ZNF718: variants seen among roughly 807,000 people sequenced by gnomAD.
The protein encoded by ZNF718 is zinc finger protein 718.
Under a neutral mutation model 2.6 loss-of-function variants are expected in ZNF718, and 3 were observed. That is an observed-to-expected ratio of 1.16 (90% CI 0.53 to 3.01). ZNF718 has a LOEUF of 3.01. Among genes scored for constraint, ZNF718 ranks in the 30% most tolerant of loss-of-function variants. ZNF718 has a pLI of 0.03. For missense variants in ZNF718, 468 were observed against 230.0 expected (o/e 2.03, Z -6.69); for synonymous variants, 135 against 77.9 (o/e 1.73, Z -3.86).
intron 3 of ZNF718, among the ~76,000 whole-genome samples, chr4:150,671 C>A (rs10028464): frequency 0.013 from 1,951 of 151,972 alleles, 48 homozygotes; most frequent in African/African-American, 0.045. Flanking sequence ...TGGATTGATT[C>A]CATATATTGG....
intron 3 of ZNF718, among the ~76,000 whole-genome samples, chr4:172,799 T>G (rs1234195442): frequency 5.3e-5 from 8 of 152,152 alleles, no homozygotes; most frequent in African/African-American, 1.7e-4. Flanking sequence ...CTCTCACCTG[T>G]AATCCCAGCA....
intron 3 of ZNF718, among the ~76,000 whole-genome samples, chr4:160,193 C>T (rs983295542): frequency 1.1e-4 from 16 of 152,152 alleles, no homozygotes; most frequent in Non-Finnish European, 2.2e-4. Context: ...TTCCAAAAAC[C>T]AGAAGTAGGA....
intron 3 of ZNF718, among the ~76,000 whole-genome samples, chr4:181,909 T>TG (rs1282665159): frequency 2.0e-5 from 3 of 152,212 alleles, no homozygotes; most frequent in Non-Finnish European, 4.4e-5. Flanking sequence ...AGTGAGAACA[T>TG]GCAGTATTTG....
chr4:198,675 T>G (rs1439569053), intron 3 of ZNF718, among the ~76,000 whole-genome samples: 1 of 152,136 alleles, frequency 6.6e-6, no homozygotes, highest in African/African-American at 2.4e-5. Context: ...TACACTATAT[T>G]AATACATATA....
intron 3 of ZNF718, among the ~76,000 whole-genome samples, chr4:191,518 G>A (rs1300100252): frequency 6.6e-6 from 1 of 151,978 alleles, no homozygotes; most frequent in Non-Finnish European, 1.5e-5. Flanking sequence ...AAATAGCCAA[G>A]CCACCTAACA....
chr4:124,808 C>T (rs1041035198), intron 1 of ZNF718, 135 bp downstream of exon 1: 11 of 1,230,644 alleles, frequency 8.9e-6, no homozygotes, highest in Non-Finnish European at 1.2e-5. Flanking sequence ...GGTGAGGGAC[C>T]CGCGCTCTTG....
At chr4:143,363 T>G (rs2053073850) in intron 3 of ZNF718, among the ~76,000 whole-genome samples, 1 of 152,134 alleles carries the variant, frequency 6.6e-6, no homozygotes, top group African/African-American at 2.4e-5. Flanking sequence ...AATTTTTCTA[T>G]TTTTAGTAGA....
In ZNF718 at chr4:155,875, C is replaced by T. The variant is rs144109308; in HGVS notation, c.227-5037C>T. Among the ~76,000 whole-genome samples, 378 of 152,270 alleles carry T rather than the reference C, an allele frequency of 2.5e-3. 2 individuals are homozygous for T. The highest frequency in any genetic ancestry group is 8.4e-3 in the African/African-American group (348 of 41,546). ...AGCCAAATCTCATTTTGAATTATAGCTCCCATAATTCCCATGTGTTGTGGG... is the reference window on the plus strand; with the variant it reads ...AGCCAAATCTCATTTTGAATTATAGTTCCCATAATTCCCATGTGTTGTGGG... On this transcript the variant is annotated intron_variant, in intron 3 of 3. Coordinates refer to ENST00000510175, the MANE Select transcript of ZNF718 (RefSeq NM_001039127.6).
rs191919212 is a variant in ZNF718, at chr4:126,555, G to A, written c.3+1882G>A. ...GCTCCACATTGTGGGTCTACGTCCT[G>A]TCATGAAGATGTGGGAAGTTTATTT... On this transcript the variant is annotated intron_variant, in intron 1 of 3. Coordinates refer to ENST00000510175, the MANE Select transcript of ZNF718 (RefSeq NM_001039127.6). Among the ~76,000 whole-genome samples, 12 of 152,286 alleles carry A rather than the reference G, an allele frequency of 7.9e-5. No individual in the cohort carries two copies. In the East Asian group the frequency reaches 2.1e-3, roughly 27 times the overall value.
intron 3 of ZNF718, among the ~76,000 whole-genome samples, chr4:153,551 T>C (rs891442376): frequency 2.0e-5 from 3 of 150,920 alleles, no homozygotes; most frequent in Non-Finnish European, 2.9e-5. Flanking sequence ...AGCATAAAAA[T>C]CTTTCAGTTT....
chr4:134,382 A>T (rs1378589453), intron 3 of ZNF718, among the ~76,000 whole-genome samples: 1 of 152,150 alleles, frequency 6.6e-6, no homozygotes, highest in African/African-American at 2.4e-5. Context: ...TGACCTCGTG[A>T]TCTGCCCACC....
chr4:146,725 A>T (rs571563845), intron 3 of ZNF718, among the ~76,000 whole-genome samples: 18 of 151,762 alleles, frequency 1.2e-4, no homozygotes, highest in Admixed American at 2.0e-4. Context: ...TTTCATTTTT[A>T]AAAAATTTCT....
At chr4:134,657 T>G (rs1038429096) in intron 3 of ZNF718, among the ~76,000 whole-genome samples, 3 of 152,260 alleles carry the variant, frequency 2.0e-5, no homozygotes, top group Non-Finnish European at 4.4e-5. Flanking sequence ...ATTTAGTGTA[T>G]ACATATTTAA....
intron 3 of ZNF718, among the ~76,000 whole-genome samples, chr4:138,227 A>G (rs1443380219): frequency 1.3e-5 from 2 of 152,308 alleles, no homozygotes; most frequent in East Asian, 1.9e-4. Context: ...CAACTGCTAC[A>G]TCTTACTCTT....
chr4:151,888 G>A (rs1276363765), intron 3 of ZNF718, among the ~76,000 whole-genome samples: 3 of 150,652 alleles, frequency 2.0e-5, no homozygotes, highest in African/African-American at 4.9e-5. Flanking sequence ...GGAGGATCCC[G>A]CCAGCCTCTG....
chr4:143,038 A>G (rs1385662053), intron 3 of ZNF718, among the ~76,000 whole-genome samples: 2 of 152,202 alleles, frequency 1.3e-5, no homozygotes, highest in Non-Finnish European at 2.9e-5. Context: ...AACTAGAATA[A>G]CAGAAGCTAA....
chr4:158,610 C>G (rs148076160), intron 3 of ZNF718, among the ~76,000 whole-genome samples: 133 of 151,922 alleles, frequency 8.8e-4, no homozygotes, highest in African/African-American at 3.2e-3. Context: ...ACTTTAGTTG[C>G]ATGTTGAAAT....
intron 3 of ZNF718, among the ~76,000 whole-genome samples, chr4:184,793 A>G (rs1581481097): frequency 6.6e-6 from 1 of 152,238 alleles, no homozygotes; most frequent in Non-Finnish European, 1.5e-5. Flanking sequence ...TCTAGTTTAT[A>G]TGTGTAGAAG....
In ZNF718 at chr4:124,542, C is replaced by T. The variant is rs1345179866; in HGVS notation, c.-129C>T. ...TCCAGCCAGAGCTCGGTTAGGGCCT[C>T]ATCGCTCTGCTCCCGCTCCTTAGGG... On this transcript the variant is annotated 5_prime_UTR_variant, in exon 1 of 4. Coordinates refer to ENST00000510175, the MANE Select transcript of ZNF718 (RefSeq NM_001039127.6). 7.3e-6 allele frequency: 10 copies of T among 1,365,872 alleles called. No individual in the cohort carries two copies. The highest frequency in any genetic ancestry group is 2.4e-5 in the East Asian group (1 of 42,210). The allele number at this position is 1,365,872 out of a possible 1,614,324, so 84.6% of individuals were successfully genotyped here. A position where few individuals can be genotyped will look rare whatever the true frequency, so the allele number is the denominator to read the frequency against.
Sources: gnomAD v4.1 joint callset for allele counts (sites outside exome capture counted in the v4.1 genomes callset) on GRCh38, gnomAD v4.1.1 for gene constraint, MANE v1.5 for transcripts, NCBI Gene and HGNC (gene_info 2026-07-23, HGNC 2026-07-21) for gene names.